VPS53: variants seen among roughly 807,000 people sequenced by gnomAD.
VPS53 encodes VPS53 subunit of GARP complex.
A neutral mutation model predicts 107.0 loss-of-function variants in VPS53; 70 were observed. The ratio of observed to expected loss-of-function variants is 0.65; its 90% confidence interval spans 0.54 to 0.80. The LOEUF (loss-of-function observed/expected upper bound fraction) is 0.80, where lower values mean the gene tolerates loss of function less well. Among genes scored for constraint, VPS53 ranks in the 30% least tolerant of loss-of-function variants. VPS53 has a pLI of 0.00. For synonymous variants in VPS53, 409 were observed against 393.3 expected, an observed-to-expected ratio of 1.04 and a Z score of -0.47; for missense variants, 917 against 1,049.4, an observed-to-expected ratio of 0.87 and a Z score of 1.74.
intron 1 of VPS53, among the ~76,000 whole-genome samples, chr17:710,951 AAATT>A (rs557242689): frequency 5.9e-5 from 9 of 152,196 alleles, no homozygotes; most frequent in Middle Eastern, 3.4e-3. Context: ...TCTCAAAATT[AAATT>A]AATTAATTAA....
At chr17:657,571 G>A (rs961705823) in intron 5 of VPS53, 1 of 950,968 alleles carries the variant, frequency 1.1e-6, no homozygotes, top group African/African-American at 1.6e-5. Flanking sequence ...AAGGAAAAGA[G>A]GACCTTTGTC....
At chr17:691,680 C>T (rs1972779272) in intron 4 of VPS53, among the ~76,000 whole-genome samples, 1 of 152,162 alleles carries the variant, frequency 6.6e-6, no homozygotes, top group Non-Finnish European at 1.5e-5. Flanking sequence ...CAATTCTGTC[C>T]TGACCAGGTC....
chr17:618,375 C>G (rs539987953), intron 11 of VPS53, among the ~76,000 whole-genome samples: 1 of 109,282 alleles, frequency 9.2e-6, no homozygotes, highest in African/African-American at 3.0e-5. Flanking sequence ...TAATATTTCC[C>G]GGGTAGCTGG....
chr17:615,251 A>T (rs1351248435), intron 11 of VPS53, among the ~76,000 whole-genome samples: 1 of 152,262 alleles, frequency 6.6e-6, no homozygotes, highest in Non-Finnish European at 1.5e-5. Flanking sequence ...ACATCGTGAA[A>T]CTGGTTAAGC....
At chr17:545,276 C>T (rs887287863) in intron 17 of VPS53, among the ~76,000 whole-genome samples, 6 of 152,164 alleles carry the variant, frequency 3.9e-5, no homozygotes, top group African/African-American at 1.4e-4. Context: ...AGCAAACTAC[C>T]GCTCTGCATT....
chr17:578,835 C>T (rs183326825), intron 13 of VPS53, among the ~76,000 whole-genome samples: 56 of 150,522 alleles, frequency 3.7e-4, no homozygotes, highest in Admixed American at 3.1e-3. Flanking sequence ...GAAAACCTCC[C>T]GCAGGACCTA....
intron 7 of VPS53, among the ~76,000 whole-genome samples, chr17:643,215 C>T (rs1286664790): frequency 1.5e-4 from 7 of 46,566 alleles, no homozygotes; most frequent in Admixed American, 2.3e-4. Flanking sequence ...CAACTGAGGA[C>T]AACACTCATA....
Position 531,773 on chromosome 17 carries a change from C to CTTTTTTTT in VPS53, c.2085+1061_2085+1068dup, listed in dbSNP as rs71145747. 2.2e-4 allele frequency among the ~76,000 whole-genome samples: 19 copies of CTTTTTTTT among 86,672 alleles called. 1 individual carries two copies. Among genetic ancestry groups the CTTTTTTTT allele is most frequent in the Admixed American group, 5.2e-4 (3 of 5,742 alleles). 56.9% of individuals were successfully genotyped at this position (86,672 alleles called of 152,430 possible). On this transcript the variant is annotated intron_variant, in intron 19 of 21. Transcript: ENST00000437048. Reference sequence around the variant, plus strand: ...CAGCCTCCCATCACTGGGATTTATTCTTTTTTTTTTTTTTTTTTTTTGAGA... The same window carrying CTTTTTTTT: ...CAGCCTCCCATCACTGGGATTTATTCTTTTTTTTTTTTTTTTTTTTTTTTTTTTTGAGA...
At chr17:575,970 T>A (rs1914568169) in intron 13 of VPS53, among the ~76,000 whole-genome samples, 1 of 149,490 alleles carries the variant, frequency 6.7e-6, no homozygotes, top group Non-Finnish European at 1.5e-5. Context: ...AGAACTTCAC[T>A]CAGAACCTAA....
intron 4 of VPS53, among the ~76,000 whole-genome samples, chr17:684,578 T>C (rs1414213751): frequency 2.6e-5 from 4 of 152,244 alleles, no homozygotes; most frequent in Non-Finnish European, 5.9e-5. Context: ...AAATATTCCA[T>C]GTTCATAGAT....
At chr17:607,851 C>T (rs977592683) in intron 11 of VPS53, among the ~76,000 whole-genome samples, 13 of 152,144 alleles carry the variant, frequency 8.5e-5, no homozygotes, top group African/African-American at 3.1e-4. Context: ...ACAGGACAGT[C>T]AGGCTGTCTA....
intron 12 of VPS53, among the ~76,000 whole-genome samples, chr17:589,008 A>G (rs1302233862): frequency 6.6e-6 from 1 of 152,132 alleles, no homozygotes; most frequent in Non-Finnish European, 1.5e-5. Context: ...ATGGATTCAG[A>G]TTTGGAAAAC....
At chr17:595,035 T>C (rs1427938954) in intron 12 of VPS53, among the ~76,000 whole-genome samples, 1 of 46,154 alleles carries the variant, frequency 2.2e-5, no homozygotes, top group African/African-American at 8.5e-5. Context: ...CACTCTAGTG[T>C]CCCCCTGGAG....
intron 7 of VPS53, among the ~76,000 whole-genome samples, chr17:638,291 T>C (rs923057177): frequency 6.6e-6 from 1 of 152,216 alleles, no homozygotes; most frequent in African/African-American, 2.4e-5. Context: ...CATCCCTTTA[T>C]TTTGAGCCTA....
At chr17:631,160 G>A (rs2143154080) in intron 8 of VPS53, among the ~76,000 whole-genome samples, 1 of 152,054 alleles carries the variant, frequency 6.6e-6, no homozygotes, top group South Asian at 2.1e-4. Flanking sequence ...ATAAGATGGT[G>A]GATGCTCCAC....
At chr17:672,108 T>TCACACACACACA (rs1392614940) in intron 4 of VPS53, among the ~76,000 whole-genome samples, 17 of 30,302 alleles carry the variant, frequency 5.6e-4, no homozygotes, top group African/African-American at 1.3e-3. Context: ...ATGATGAGGG[T>TCACACACACACA]GACACACACA....
chr17:574,220 C>T (rs781401017), intron 13 of VPS53, among the ~76,000 whole-genome samples: 7 of 152,132 alleles, frequency 4.6e-5, no homozygotes, highest in African/African-American at 9.7e-5. Flanking sequence ...CTTAGTGCTG[C>T]GGAAACTTCC....
At chr17:654,088 G>A (rs1205647096) in intron 6 of VPS53, among the ~76,000 whole-genome samples, 34 of 152,120 alleles carry the variant, frequency 2.2e-4, no homozygotes, top group Admixed American at 2.2e-3. Flanking sequence ...CCAGCTACTC[G>A]GGAGGCTGAG....
At chr17:708,933 G>C (rs1781437781) in intron 2 of VPS53, among the ~76,000 whole-genome samples, 2 of 152,078 alleles carry the variant, frequency 1.3e-5, no homozygotes, top group Admixed American at 6.5e-5. Context: ...TGTGCCTTCA[G>C]TCTCTTGCCT....
Sources: gnomAD v4.1 joint callset for allele counts (sites outside exome capture counted in the v4.1 genomes callset) on GRCh38, gnomAD v4.1.1 for gene constraint, MANE v1.5 for transcripts, NCBI Gene and HGNC (gene_info 2026-07-23, HGNC 2026-07-21) for gene names.